MCFD2: variants seen among roughly 807,000 people sequenced by gnomAD.
MCFD2 encodes the protein multiple coagulation factor deficiency protein 2.
MCFD2 carries 11 observed loss-of-function variants against 12.8 expected under a neutral mutation model. The ratio of observed to expected loss-of-function variants is 0.86; its 90% confidence interval spans 0.54 to 1.42. The LOEUF is 1.42. Among genes scored for constraint, MCFD2 ranks in the 40% most tolerant of loss-of-function variants. The probability of loss-of-function intolerance (pLI) is 0.00; values close to 1 mark genes in which losing one functional copy is unlikely to be tolerated. For synonymous variants in MCFD2, 70 were observed against 68.1 expected (o/e 1.03, Z -0.14); for missense variants, 191 against 178.6 (o/e 1.07, Z -0.40).
chr2:46,930,962 A>C (rs1669670433), intron 1 of MCFD2, among the ~76,000 whole-genome samples: 1 of 152,224 alleles, frequency 6.6e-6, no homozygotes, highest in African/African-American at 2.4e-5. Context: ...TGATGACCAA[A>C]AGCCAATGAA....
chr2:46,922,125 C>T (rs181512215), intron 1 of MCFD2, among the ~76,000 whole-genome samples: 4 of 152,174 alleles, frequency 2.6e-5, no homozygotes, highest in African/African-American at 9.7e-5. Flanking sequence ...TGCCCTTGAG[C>T]AGGCTGGCTA....
chr2:46,921,698 T>C (rs1669111095), intron 1 of MCFD2, among the ~76,000 whole-genome samples: 2 of 152,230 alleles, frequency 1.3e-5, no homozygotes, highest in Admixed American at 1.3e-4. Context: ...AAGACAATTT[T>C]TCCATGGAAG....
intron 1 of MCFD2, among the ~76,000 whole-genome samples, chr2:46,938,570 G>A (rs1396263488): frequency 6.6e-6 from 1 of 152,106 alleles, no homozygotes; most frequent in Non-Finnish European, 1.5e-5. Flanking sequence ...TCTAGTCCCT[G>A]AGGCCCTTCC....
chr2:46,917,221 C>T (rs1457263532), upstream of MCFD2: 1 of 699,896 alleles, frequency 1.4e-6, no homozygotes, highest in African/African-American at 1.8e-5. Flanking sequence ...TCTCGAACTC[C>T]TGGGTTCAAG....
At chr2:46,925,179 C>T (rs1337394171) in intron 1 of MCFD2, among the ~76,000 whole-genome samples, 1 of 152,116 alleles carries the variant, frequency 6.6e-6, no homozygotes, top group African/African-American at 2.4e-5. Context: ...TAGATTTGAA[C>T]TTCTGGGTTT....
rs747996721 is a variant in MCFD2 at position 46,908,408 on chromosome 2, G to A, written c.150-439C>T. The A allele has an allele frequency of 4.9e-5, 14 of 285,108 alleles. No homozygotes were observed. The highest frequency in any genetic ancestry group is 1.3e-4 in the African/African-American group (6 of 44,480). The allele number at this position is 285,108 out of a possible 1,614,324, so 17.7% of individuals were successfully genotyped here. On this transcript the variant is annotated intron_variant, in intron 2 of 3. Transcript: ENST00000319466. The surrounding 1 kb of genome is among the most constrained non-coding windows in gnomAD (Gnocchi z 4.5). ...CCCAAGTAGCTGGGACCATAGGCAT[G>A]TACTGCCACATCCAGCTAATTTTTT...
chr2:46,916,271 C>T, upstream of MCFD2: 1 of 704,100 alleles, frequency 1.4e-6, no homozygotes, highest in Non-Finnish European at 1.7e-6. Context: ...ACGCTGGAGC[C>T]GGCCTTGGAC....
chr2:46,904,078 C>A lies in MCFD2; in HGVS notation c.*1385G>T, dbSNP rs1001795665. On this transcript the variant is annotated 3_prime_UTR_variant, in exon 4 of 4. Coordinates refer to ENST00000319466, the MANE Select transcript of MCFD2 (RefSeq NM_139279.6). Reference sequence around the variant, plus strand: ...GTGGCTTCAGAGTGGAAGCCCCAAGCCTTGGCAGCTTCTATGTGCTGTTAA... The same window carrying A: ...GTGGCTTCAGAGTGGAAGCCCCAAGACTTGGCAGCTTCTATGTGCTGTTAA... 5.9e-5 allele frequency: 9 copies of A among 152,202 alleles called. No individual in the cohort carries two copies. Among genetic ancestry groups the A allele is most frequent in the African/African-American group, 2.2e-4 (9 of 41,444 alleles). The allele number at this position is 152,202 out of a possible 1,614,324, so 9.4% of individuals were successfully genotyped here. A position where few individuals can be genotyped will look rare whatever the true frequency, so the allele number is the denominator to read the frequency against.
At chr2:46,917,123 T>C, upstream of MCFD2, 1 of 693,794 alleles carries the variant, frequency 1.4e-6, no homozygotes, top group South Asian at 1.5e-5. Flanking sequence ...GAGATTGAAA[T>C]CTGCCACCCC....
intron 1 of MCFD2, among the ~76,000 whole-genome samples, chr2:46,934,312 G>A (rs1669855623): frequency 6.6e-6 from 1 of 152,208 alleles, no homozygotes; most frequent in Non-Finnish European, 1.5e-5. Context: ...AGGCTGGAGT[G>A]CAGTGGCACA....
In MCFD2 at chr2:46,940,332, C is replaced by A. The variant is rs925229225; in HGVS notation, c.-8+1240G>T. ...ACCATACAATGTGTCACTTAAATGC[C>A]GGTGGTTTTTGGTTTCGGGTCTTGC... On this transcript the variant is annotated intron_variant, in intron 1 of 2. Transcript: ENST00000409147. The surrounding 1 kb of genome is among the most constrained non-coding windows in gnomAD (Gnocchi z 4.7). Among the ~76,000 whole-genome samples, 1 of 152,134 alleles carries A rather than the reference C, an allele frequency of 6.6e-6. No individual in the cohort carries two copies. The highest frequency in any genetic ancestry group is 1.5e-5 in the Non-Finnish European group (1 of 68,022).
upstream of MCFD2, chr2:46,916,404 C>A (rs1301882199): frequency 1.3e-5 from 2 of 152,730 alleles, no homozygotes. Context: ...AGTTCAAATA[C>A]CATCTTCCAT....
At chr2:46,913,348 G>A (rs541008028) in intron 1 of MCFD2, among the ~76,000 whole-genome samples, 1 of 152,108 alleles carries the variant, frequency 6.6e-6, no homozygotes, top group Non-Finnish European at 1.5e-5. Flanking sequence ...AGGAGTTCAA[G>A]ACCAGCCTGG....
Position 46,905,468 on chromosome 2 carries a change from G to A in MCFD2, c.436C>T (p.Gln146Ter). 1 of 1,612,402 alleles carries A rather than the reference G, an allele frequency of 6.2e-7. No homozygotes were observed. Among genetic ancestry groups the A allele is most frequent in the Non-Finnish European group, 8.5e-7 (1 of 1,179,888 alleles). The change falls in exon 4 of 4, where the codon CAG (glutamine) becomes TAG (stop). Residue 146 changes from glutamine to a stop codon, truncating the protein, a stop_gained. Transcript: ENST00000319466. LOFTEE classifies it high-confidence loss of function. ...IDYAEFAKSL[Q>*] Reference sequence around the variant, plus strand: ...AGGAGATGGCCAAATAACATCTACTGCAGTGATTTTGCAAATTCAGCATAG... The same window carrying A: ...AGGAGATGGCCAAATAACATCTACTACAGTGATTTTGCAAATTCAGCATAG...
rs1406145118 is a variant in MCFD2, at chr2:46,941,485, C to A, written c.-8+87G>T. ...CGAGTGCGCCCCAGCCAGGACGCCG[C>A]CCCCGGCCGGGTCTCCACTTCTTGG... On this transcript the variant is annotated intron_variant, in intron 1 of 2. Coordinates refer to the MCFD2 transcript ENST00000409147. The surrounding 1 kb of genome is among the most constrained non-coding windows in gnomAD (Gnocchi z 4.2). 6.6e-7 allele frequency: 1 copy of A among 1,521,088 alleles called. No homozygotes were observed. The highest frequency in any genetic ancestry group is 1.2e-5 in the South Asian group (1 of 81,410). The allele number at this position is 1,521,088 out of a possible 1,614,324, so 94.2% of individuals were successfully genotyped here.
chr2:46,924,107 G>A (rs968990368), intron 1 of MCFD2, among the ~76,000 whole-genome samples: 2 of 151,928 alleles, frequency 1.3e-5, no homozygotes, highest in African/African-American at 2.4e-5. Context: ...AGGAGGCAGA[G>A]GTGAGAGGAT....
At chr2:46,936,969 C>T (rs1309043139) in intron 1 of MCFD2, among the ~76,000 whole-genome samples, 1 of 151,990 alleles carries the variant, frequency 6.6e-6, no homozygotes, top group Non-Finnish European at 1.5e-5. Context: ...ATCCTCCCAC[C>T]TCAGCCCCTC....
At chr2:46,911,219 C>G (rs1418574908) in intron 1 of MCFD2, among the ~76,000 whole-genome samples, 1 of 152,010 alleles carries the variant, frequency 6.6e-6, no homozygotes, top group Non-Finnish European at 1.5e-5. Flanking sequence ...CCTCCGCTTC[C>G]CAGGTTCAAG....
In MCFD2 at chr2:46,909,209, A is replaced by G. The variant is rs761343925; in HGVS notation, c.-6-32T>C. 3.0e-5 allele frequency: 48 copies of G among 1,598,514 alleles called. No individual in the cohort carries two copies. The Admixed American group carries it at 8.1e-4, about 27-fold the overall frequency. On this transcript the variant is annotated intron_variant, in intron 1 of 3. Transcript: ENST00000319466. ...GATGGGAAACACAGAAGAGGAAGGC[A>G]GAGCATCAGAGCAAAGGTTTCGTTC... is the stretch of plus-strand genomic sequence containing the variant.
Sources: gnomAD v4.1 joint callset for allele counts (sites outside exome capture counted in the v4.1 genomes callset) on GRCh38, gnomAD v4.1.1 for gene constraint, Gnocchi (gnomAD v3.1) non-coding constraint, MANE v1.5 for transcripts, NCBI Gene and HGNC (gene_info 2026-07-23, HGNC 2026-07-21) for gene names.